Variants in DLGAP2 observed in about 807,000 individuals in gnomAD.
DLGAP2 encodes disks large-associated protein 2.
In DLGAP2, 26 loss-of-function variants were observed where a neutral mutation model predicts 100.3. The ratio of observed to expected loss-of-function variants is 0.26; its 90% confidence interval spans 0.19 to 0.36. The LOEUF is 0.36. Ranked by LOEUF, DLGAP2 falls within the 10% of genes least tolerant of loss-of-function variation. The pLI, the probability that DLGAP2 is intolerant of heterozygous loss-of-function variation, is 1.00. For missense variants in DLGAP2, 1,858 were observed against 1,453.2 expected (o/e 1.28, Z -4.53); for synonymous variants, 886 against 630.1 (o/e 1.41, Z -6.08).
intron 1 of DLGAP2, among the ~76,000 whole-genome samples, chr8:905,779 C>G (rs1798366310): frequency 6.6e-6 from 1 of 152,166 alleles, no homozygotes; most frequent in Non-Finnish European, 1.5e-5. Context: ...CTGTGGCAGA[C>G]CATAGCTTGG....
At chr8:1,001,201 C>CT (rs1800945666) in intron 2 of DLGAP2, among the ~76,000 whole-genome samples, 1 of 152,120 alleles carries the variant, frequency 6.6e-6, no homozygotes, top group South Asian at 2.1e-4. Flanking sequence ...GACTGGAGAG[C>CT]TTTGACTATT....
intron 3 of DLGAP2, among the ~76,000 whole-genome samples, chr8:1,317,320 T>A (rs1238324685): frequency 7.6e-6 from 1 of 132,390 alleles, no homozygotes; most frequent in African/African-American, 2.9e-5. Context: ...ATAGAGGCTG[T>A]GCGAGTGCAG....
intron 2 of DLGAP2, among the ~76,000 whole-genome samples, chr8:957,671 G>C (rs1799626813): frequency 6.6e-6 from 1 of 152,222 alleles, no homozygotes; most frequent in Non-Finnish European, 1.5e-5. Context: ...ATTAATGACA[G>C]TATCTCTAAT....
intron 1 of DLGAP2, among the ~76,000 whole-genome samples, chr8:854,554 G>A (rs538136195): frequency 3.8e-4 from 58 of 152,302 alleles, no homozygotes; most frequent in African/African-American, 1.3e-3. Context: ...GTGTGTTCAT[G>A]TGTGCATGTG....
In DLGAP2 at chr8:1,446,205, T is replaced by C. The variant is rs1473809851; in HGVS notation, c.107-55161T>C. Among the ~76,000 whole-genome samples the C allele has an allele frequency of 2.3e-4, 35 of 152,278 alleles. 1 individual carries two copies. Among genetic ancestry groups the C allele is most frequent in the Middle Eastern group, 3.4e-3 (1 of 292 alleles). ...GAATGGTATTGCCTAGGTTTTCTTC[T>C]AGGGTTTTTATGGTTTTAGGTCTAA... On this transcript the variant is annotated intron_variant, in intron 3 of 14. Coordinates refer to ENST00000637795, the MANE Select transcript of DLGAP2 (RefSeq NM_001346810.2).
At chr8:1,608,262 AC>A (rs1443362732) in intron 6 of DLGAP2, among the ~76,000 whole-genome samples, 2 of 118,746 alleles carry the variant, frequency 1.7e-5, no homozygotes, top group African/African-American at 2.9e-5. Context: ...ACTGGGAGGC[AC>A]CCCCCAGCAG....
chr8:1,181,929 C>T (rs1797397751), intron 2 of DLGAP2, among the ~76,000 whole-genome samples: 2 of 152,278 alleles, frequency 1.3e-5, no homozygotes, highest in South Asian at 2.1e-4. Context: ...GTCTGTGAAC[C>T]GTTGATAGAC....
intron 2 of DLGAP2, among the ~76,000 whole-genome samples, chr8:1,053,115 A>G (rs1193288107): frequency 3.3e-5 from 5 of 152,228 alleles, no homozygotes; most frequent in African/African-American, 7.2e-5. Flanking sequence ...CAATTTCGCA[A>G]TGGAAAAGAG....
chr8:1,308,587 G>A (rs979196917), intron 3 of DLGAP2, among the ~76,000 whole-genome samples: 18 of 152,192 alleles, frequency 1.2e-4, no homozygotes, highest in East Asian at 9.6e-4. Context: ...GTGCAGTGGT[G>A]TGATCTCAGC....
chr8:1,639,642 C>A (rs1797850263), intron 8 of DLGAP2, among the ~76,000 whole-genome samples: 1 of 152,102 alleles, frequency 6.6e-6, no homozygotes, highest in African/African-American at 2.4e-5. Flanking sequence ...CTATGGTCTC[C>A]AGCAGCACAG....
chr8:814,032 C>T (rs1796419409), intron 1 of DLGAP2, among the ~76,000 whole-genome samples: 1 of 152,032 alleles, frequency 6.6e-6, no homozygotes, highest in Non-Finnish European at 1.5e-5. Context: ...TTAAAATAAG[C>T]TTAAAGGAGG....
chr8:1,104,508 T>G (rs1309271627), intron 2 of DLGAP2, among the ~76,000 whole-genome samples: 3 of 152,188 alleles, frequency 2.0e-5, no homozygotes, highest in Non-Finnish European at 4.4e-5. Flanking sequence ...ACGAGCATCT[T>G]CAGAGGGACT....
chr8:1,697,018 T>C, intron 13 of DLGAP2, 129 bp from the exon 14 acceptor site: 1 of 1,016,706 alleles, frequency 9.8e-7, no homozygotes, highest in Non-Finnish European at 1.3e-6. Context: ...AGTATCTGCC[T>C]CAGGCTGGAA....
intron 3 of DLGAP2, among the ~76,000 whole-genome samples, chr8:1,343,975 G>A (rs144030673): frequency 6.0e-4 from 91 of 152,338 alleles, no homozygotes; most frequent in Non-Finnish European, 1.2e-4. Context: ...AAACATGGCG[G>A]ACAGAGGAGA....
intron 2 of DLGAP2, among the ~76,000 whole-genome samples, chr8:978,156 G>A (rs1343902220): frequency 4.8e-5 from 6 of 125,606 alleles, no homozygotes; most frequent in African/African-American, 1.1e-4. Flanking sequence ...GGAGGGCGTC[G>A]GGGATGCAGT....
intron 3 of DLGAP2, among the ~76,000 whole-genome samples, chr8:1,335,850 A>G (rs1158746670): frequency 6.6e-6 from 1 of 152,212 alleles, no homozygotes; most frequent in Non-Finnish European, 1.5e-5. Context: ...GCTAAAAGGA[A>G]ACTAAGGGAA....
chr8:738,264 C>T (rs1052549220), intron 1 of DLGAP2, among the ~76,000 whole-genome samples: 14 of 151,482 alleles, frequency 9.2e-5, no homozygotes, highest in African/African-American at 3.2e-4. Flanking sequence ...CCCCTCCCCC[C>T]AAGCCCGGGT....
chr8:1,588,698 T>C (rs1796198673), intron 6 of DLGAP2, among the ~76,000 whole-genome samples: 1 of 136,548 alleles, frequency 7.3e-6, no homozygotes, highest in Non-Finnish European at 1.5e-5. Context: ...GGTCAGCAGT[T>C]CAAGACCAGT....
chr8:1,521,296 T>C (rs1228062091), intron 4 of DLGAP2, among the ~76,000 whole-genome samples: 2 of 69,536 alleles, frequency 2.9e-5, no homozygotes, highest in African/African-American at 8.9e-5. Context: ...ATCTCTGGTT[T>C]GCACACTTGT....
Sources: allele counts gnomAD v4.1 joint callset (sites outside exome capture counted in the v4.1 genomes callset), GRCh38; gene constraint gnomAD v4.1.1; transcripts MANE v1.5; gene names NCBI Gene and HGNC (gene_info 2026-07-23, HGNC 2026-07-21).